The following SLC24A3 variants were observed in gnomAD, a reference collection of about 807,000 sequenced individuals.
The protein encoded by SLC24A3 is solute carrier family 24 member 3, also known as sodium/potassium/calcium exchanger 3.
Under a neutral mutation model 75.8 loss-of-function variants are expected in SLC24A3, and 28 were observed. The observed-to-expected ratio is 0.37, with a 90% confidence interval of 0.27 to 0.51. The LOEUF (loss-of-function observed/expected upper bound fraction) is 0.51. Among genes scored for constraint, SLC24A3 ranks in the 20% least tolerant of loss-of-function variants. The pLI is 0.94. For synonymous variants in SLC24A3, 372 were observed against 334.1 expected, an observed-to-expected ratio of 1.11 and a Z score of -1.24; for missense variants, 663 against 847.8, an observed-to-expected ratio of 0.78 and a Z score of 2.71.
intron 6 of SLC24A3, among the ~76,000 whole-genome samples, chr20:19,625,495 T>C (rs2031855705): frequency 6.6e-6 from 1 of 152,208 alleles, no homozygotes; most frequent in Non-Finnish European, 1.5e-5. Context: ...TATACTATGA[T>C]GGCAGCCAGT....
intron 3 of SLC24A3, among the ~76,000 whole-genome samples, chr20:19,562,340 C>T (rs2030887369): frequency 6.6e-6 from 1 of 152,130 alleles, no homozygotes; most frequent in Admixed American, 6.5e-5. Context: ...TCTGATTGCT[C>T]TCTAAGGGCA....
At chr20:19,653,627 T>A (rs1423178106) in intron 6 of SLC24A3, among the ~76,000 whole-genome samples, 1 of 152,176 alleles carries the variant, frequency 6.6e-6, no homozygotes, top group Non-Finnish European at 1.5e-5. Context: ...ATTAGGGATG[T>A]CAAGGCAGGC....
intron 6 of SLC24A3, among the ~76,000 whole-genome samples, chr20:19,610,080 A>C (rs2031651907): frequency 6.6e-6 from 1 of 152,212 alleles, no homozygotes; most frequent in Non-Finnish European, 1.5e-5. Flanking sequence ...AATTCCAGTG[A>C]AATAAAGCTT....
chr20:19,406,828 T>C (rs1345074434), intron 2 of SLC24A3, among the ~76,000 whole-genome samples: 1 of 152,170 alleles, frequency 6.6e-6, no homozygotes, highest in Non-Finnish European at 1.5e-5. Flanking sequence ...ATTTGTTTGC[T>C]TTTTCTATTG....
chr20:19,623,139 T>C (rs2122678073), intron 6 of SLC24A3, among the ~76,000 whole-genome samples: 1 of 152,292 alleles, frequency 6.6e-6, no homozygotes, highest in Non-Finnish European at 1.5e-5. Flanking sequence ...TTTTGCTTGG[T>C]TTTATTTTTT....
intron 2 of SLC24A3, among the ~76,000 whole-genome samples, chr20:19,450,158 C>CTT (rs1175400408): frequency 6.6e-6 from 1 of 152,134 alleles, no homozygotes; most frequent in Non-Finnish European, 1.5e-5. Context: ...TAGCATACTC[C>CTT]TTTTCTTTGG....
intron 2 of SLC24A3, among the ~76,000 whole-genome samples, chr20:19,350,522 A>T (rs1333390850): frequency 6.6e-6 from 1 of 152,256 alleles, no homozygotes; most frequent in Non-Finnish European, 1.5e-5. Context: ...GATTCTAAAC[A>T]AAAAGATATG....
At chr20:19,389,791 T>C (rs1053839108) in intron 2 of SLC24A3, among the ~76,000 whole-genome samples, 1 of 152,224 alleles carries the variant, frequency 6.6e-6, no homozygotes, top group African/African-American at 2.4e-5. Context: ...ATTTGGAAGA[T>C]TTCCTGTCAT....
chr20:19,668,492 C>T (rs1265351529), intron 8 of SLC24A3, among the ~76,000 whole-genome samples: 2 of 152,092 alleles, frequency 1.3e-5, no homozygotes, highest in African/African-American at 4.8e-5. Context: ...CCAGCATGGC[C>T]TAGAGATTTC....
intron 2 of SLC24A3, among the ~76,000 whole-genome samples, chr20:19,496,664 G>A (rs1988293541): frequency 6.6e-6 from 1 of 152,176 alleles, no homozygotes; most frequent in Non-Finnish European, 1.5e-5. Context: ...ACTGGTCAGA[G>A]AGCACATAGT....
chr20:19,663,488 C>T (rs907332874), intron 7 of SLC24A3, among the ~76,000 whole-genome samples: 1 of 146,658 alleles, frequency 6.8e-6, no homozygotes, highest in Non-Finnish European at 1.5e-5. Context: ...CCTTCTCATC[C>T]TCCTCCTCTT....
intron 2 of SLC24A3, among the ~76,000 whole-genome samples, chr20:19,300,024 C>T (rs758825054): frequency 1.2e-4 from 19 of 152,296 alleles, no homozygotes; most frequent in Non-Finnish European, 2.6e-4. Context: ...AACCCAAAGC[C>T]AGGCACAATG....
chr20:19,721,203 C>A lies in SLC24A3; in HGVS notation c.*63C>A. 6 of 1,590,344 alleles carry A rather than the reference C, an allele frequency of 3.8e-6. No homozygotes were observed. The highest frequency in any genetic ancestry group is 1.3e-5 in the African/African-American group (1 of 74,696). ...CTGTGCAATACGAGACCCGGCCGCA[C>A]CCCGAGTCACACAGGCCCCCGGGGC... On this transcript the variant is annotated 3_prime_UTR_variant, in exon 17 of 17. Transcript: ENST00000328041.
intron 7 of SLC24A3, among the ~76,000 whole-genome samples, chr20:19,655,283 G>A (rs1600323834): frequency 6.6e-6 from 1 of 152,142 alleles, no homozygotes; most frequent in East Asian, 1.9e-4. Context: ...TCCAAGTGGT[G>A]TCTCCATAAA....
In SLC24A3 at chr20:19,661,261, A is replaced by G. The variant is rs75221762; in HGVS notation, c.688-4603A>G. Among the ~76,000 whole-genome samples, 1,427 of 152,228 alleles carry G rather than the reference A, an allele frequency of 9.4e-3. 20 individuals are homozygous for G. Among genetic ancestry groups the G allele is most frequent in the African/African-American group, 0.033 (1,353 of 41,520 alleles). On this transcript the variant is annotated intron_variant, in intron 7 of 16. Transcript: ENST00000328041. ...TCAGCTCGGCTAAAGCCCTGCCCGTAGGTCATTTTTTCCCTGCCCTTCTGC... is the reference window on the plus strand; with the variant it reads ...TCAGCTCGGCTAAAGCCCTGCCCGTGGGTCATTTTTTCCCTGCCCTTCTGC...
intron 2 of SLC24A3, among the ~76,000 whole-genome samples, chr20:19,498,650 G>T (rs1321139846): frequency 1.3e-5 from 2 of 152,074 alleles, no homozygotes; most frequent in African/African-American, 4.8e-5. Context: ...TATAGCTATG[G>T]TTATCAGTTC....
At chr20:19,296,287 CA>C (rs1333292032) in intron 2 of SLC24A3, among the ~76,000 whole-genome samples, 65 of 38,876 alleles carry the variant, frequency 1.7e-3, no homozygotes, top group African/African-American at 6.5e-3. Context: ...TTTTTTTTTT[CA>C]AAAAAAAATA....
chr20:19,324,747 C>A (rs537710757), intron 2 of SLC24A3, among the ~76,000 whole-genome samples: 2 of 152,324 alleles, frequency 1.3e-5, no homozygotes, highest in Middle Eastern at 3.4e-3. Context: ...TTATTTTTCC[C>A]AAAGAGTTTA....
At chr20:19,264,742 A>AAC (rs1555784831) in intron 1 of SLC24A3, among the ~76,000 whole-genome samples, 8 of 148,504 alleles carry the variant, frequency 5.4e-5, no homozygotes, top group Non-Finnish European at 9.1e-5. Flanking sequence ...AAAAAAAAAA[A>AAC]AAACAAAACA....
Sources: gnomAD v4.1 joint callset for allele counts (sites outside exome capture counted in the v4.1 genomes callset) on GRCh38, gnomAD v4.1.1 for gene constraint, MANE v1.5 for transcripts, NCBI Gene and HGNC (gene_info 2026-07-23, HGNC 2026-07-21) for gene names.